Variants in SEMA3A observed in about 807,000 individuals in gnomAD.
SEMA3A encodes the protein semaphorin-3A.
A neutral mutation model predicts 97.9 loss-of-function variants in SEMA3A; 29 were observed. The ratio of observed to expected loss-of-function variants is 0.30; its 90% CI spans 0.22 to 0.40. SEMA3A has a LOEUF of 0.40. Ranked by LOEUF, SEMA3A falls within the 10% of genes least tolerant of loss-of-function variation. The pLI, the probability that SEMA3A is intolerant of heterozygous loss-of-function variation, is 1.00. For synonymous variants in SEMA3A, 321 were observed against 323.7 expected, an observed-to-expected ratio of 0.99 and a Z score of 0.09; for missense variants, 763 against 951.3, an observed-to-expected ratio of 0.80 and a Z score of 2.60.
At chr7:83,981,928 T>C (rs954381780) in intron 13 of SEMA3A, among the ~76,000 whole-genome samples, 1 of 152,152 alleles carries the variant, frequency 6.6e-6, no homozygotes, top group African/African-American at 2.4e-5. Context: ...AGTGTGCCCT[T>C]TCCTATGATA....
rs117354858 is a variant in SEMA3A at position 84,007,632 on chromosome 7, A to G, written c.996-135T>C. 375 of 788,500 alleles carry G rather than the reference A, an allele frequency of 4.8e-4. 2 individuals are homozygous for G. In the East Asian group the frequency reaches 9.9e-3, roughly 21 times the overall value. 48.8% of individuals were successfully genotyped at this position (788,500 alleles called of 1,614,324 possible). On this transcript the variant is annotated intron_variant, in intron 9 of 16. Transcript: ENST00000265362. ...TAAATTCTTAGCAATAATGTTTGGGATTTTTCTAGTCACATGTATGCATTT... is the reference window on the plus strand; with the variant it reads ...TAAATTCTTAGCAATAATGTTTGGGGTTTTTCTAGTCACATGTATGCATTT...
At chr7:84,055,082 C>T (rs566211338) in intron 5 of SEMA3A, among the ~76,000 whole-genome samples, 1 of 152,076 alleles carries the variant, frequency 6.6e-6, no homozygotes, top group African/African-American at 2.4e-5. Flanking sequence ...CAGCTGCGTG[C>T]TGGGAGAACC....
At chr7:84,045,800 G>T (rs998495935) in intron 6 of SEMA3A, among the ~76,000 whole-genome samples, 3 of 151,494 alleles carry the variant, frequency 2.0e-5, no homozygotes, top group Non-Finnish European at 2.9e-5. Context: ...TTGGGAGAGG[G>T]GTTTTAAGAT....
intron 3 of SEMA3A, among the ~76,000 whole-genome samples, chr7:84,110,951 A>G (rs1424620495): frequency 6.6e-6 from 1 of 152,150 alleles, no homozygotes; most frequent in African/African-American, 2.4e-5. Flanking sequence ...TTGATTAACT[A>G]ATGAATTAAT....
At chr7:84,432,263 T>C (rs80327710) in intron 1 of SEMA3A, among the ~76,000 whole-genome samples, 1 of 152,146 alleles carries the variant, frequency 6.6e-6, no homozygotes, top group South Asian at 2.1e-4. Context: ...TCAACATATG[T>C]AGATAAATAT....
rs562998744 is a variant in SEMA3A, at chr7:84,031,792, C to T, written c.667+14532G>A. ...CGGAGGTTGTGGTGAGCCGAGATTG[C>T]GCCATTGCACTCCAGCCTGGGCAAC... On this transcript the variant is annotated intron_variant, in intron 6 of 16. Transcript: ENST00000265362. Among the ~76,000 whole-genome samples the T allele has an allele frequency of 1.5e-3, 234 of 152,064 alleles. 1 individual carries two copies. Among genetic ancestry groups the T allele is most frequent in the African/African-American group, 5.2e-3 (217 of 41,482 alleles).
At chr7:84,041,885 T>A (rs12112784) in intron 6 of SEMA3A, among the ~76,000 whole-genome samples, 16,324 of 152,108 alleles carry the variant, frequency 0.11, 991 homozygotes, top group East Asian at 0.24. Flanking sequence ...TAAGTCTGAC[T>A]TTATGCAAAA....
At chr7:84,348,345 T>G (rs1203510636) in intron 2 of SEMA3A, among the ~76,000 whole-genome samples, 2 of 152,188 alleles carry the variant, frequency 1.3e-5, no homozygotes, top group African/African-American at 4.8e-5. Context: ...TTTCCCTCAG[T>G]AGATTACAAA....
At chr7:84,194,875 T>A (rs1038720949), upstream of SEMA3A, 5 of 257,914 alleles carry the variant, frequency 1.9e-5, no homozygotes, top group Non-Finnish European at 2.9e-5. Flanking sequence ...AAAAAAAAAA[T>A]TAACAAGGTC....
At chr7:84,490,269 T>C (rs1458376393) in intron 1 of SEMA3A, among the ~76,000 whole-genome samples, 1 of 151,648 alleles carries the variant, frequency 6.6e-6, no homozygotes, top group Non-Finnish European at 1.5e-5. Context: ...TTCTTTGAGG[T>C]TGTCACTAGG....
chr7:84,077,378 A>G (rs556068464), intron 4 of SEMA3A, among the ~76,000 whole-genome samples: 1 of 152,172 alleles, frequency 6.6e-6, no homozygotes, highest in African/African-American at 2.4e-5. Context: ...CTTTTTATAA[A>G]CGTGTTTGTC....
At chr7:84,177,454 A>G (rs1390488420) in intron 1 of SEMA3A, among the ~76,000 whole-genome samples, 1 of 152,124 alleles carries the variant, frequency 6.6e-6, no homozygotes, top group Admixed American at 6.5e-5. Context: ...GCTAAAAGAG[A>G]CTACATATTC....
At chr7:84,198,451 C>T (rs1057364423), upstream of SEMA3A, among the ~76,000 whole-genome samples, 2 of 152,178 alleles carry the variant, frequency 1.3e-5, no homozygotes, top group Admixed American at 6.5e-5. Context: ...ATCCACCCAC[C>T]TCAGCCTCCC....
At chr7:84,314,720 C>A (rs1801450594) in intron 2 of SEMA3A, among the ~76,000 whole-genome samples, 1 of 152,150 alleles carries the variant, frequency 6.6e-6, no homozygotes, top group Non-Finnish European at 1.5e-5. Context: ...TAGAAGATAG[C>A]ATATCAGAGA....
intron 1 of SEMA3A, among the ~76,000 whole-genome samples, chr7:84,140,296 G>A (rs143136117): frequency 1.1e-3 from 169 of 152,190 alleles, no homozygotes; most frequent in Non-Finnish European, 2.1e-3. Flanking sequence ...TCTCAAAAAG[G>A]CAATGAAATT....
At chr7:84,172,103 C>T (rs1272012529) in intron 1 of SEMA3A, among the ~76,000 whole-genome samples, 4 of 152,140 alleles carry the variant, frequency 2.6e-5, no homozygotes, top group African/African-American at 9.7e-5. Context: ...TTACACATCT[C>T]TGTTTTTAGT....
At chr7:84,381,886 A>G (rs1463078076) in intron 1 of SEMA3A, among the ~76,000 whole-genome samples, 2 of 152,216 alleles carry the variant, frequency 1.3e-5, no homozygotes, top group African/African-American at 4.8e-5. Flanking sequence ...GTAATTCATC[A>G]AGAATAAGAA....
chr7:84,110,322 A>T lies in SEMA3A; in HGVS notation c.453+148T>A, dbSNP rs2301892. Reference sequence around the variant, plus strand: ...ATGTTCTCATTCTTTTTGCATTCACAGATTAAAATTAATAACAGCATCTGA... The same window carrying T: ...ATGTTCTCATTCTTTTTGCATTCACTGATTAAAATTAATAACAGCATCTGA... On this transcript the variant is annotated intron_variant, in intron 4 of 16. Transcript: ENST00000265362. The T allele has an allele frequency of 0.2, 162,602 of 800,110 alleles. 17,630 individuals carry two copies. The highest frequency in any genetic ancestry group is 0.31 in the African/African-American group (17,579 of 57,376). 49.6% of individuals were successfully genotyped at this position (800,110 alleles called of 1,614,324 possible).
At chr7:84,455,552 T>C (rs900909548) in intron 1 of SEMA3A, among the ~76,000 whole-genome samples, 1 of 151,982 alleles carries the variant, frequency 6.6e-6, no homozygotes, top group Non-Finnish European at 1.5e-5. Flanking sequence ...GAAGGCAAGC[T>C]GAGTTAGTGA....
Sources: gnomAD v4.1 joint callset for allele counts (sites outside exome capture counted in the v4.1 genomes callset) on GRCh38, gnomAD v4.1.1 for gene constraint, MANE v1.5 for transcripts, NCBI Gene and HGNC (gene_info 2026-07-23, HGNC 2026-07-21) for gene names.